Variants in NOTCH1 observed in about 807,000 individuals in gnomAD.
NOTCH1 encodes the protein notch receptor 1.
A neutral mutation model predicts 254.8 loss-of-function variants in NOTCH1; 37 were observed. The ratio of observed to expected loss-of-function variants is 0.15; its 90% CI spans 0.11 to 0.19. The LOEUF (loss-of-function observed/expected upper bound fraction) is 0.19. NOTCH1 is among the 10% of genes least tolerant of loss of function. NOTCH1 has a pLI of 1.00. For synonymous variants in NOTCH1, 1,731 were observed against 1,618.1 expected, an observed-to-expected ratio of 1.07 and a Z score of -1.68; for missense variants, 2,972 against 3,708.6, an observed-to-expected ratio of 0.80 and a Z score of 5.16.
rs748048002 is a variant in NOTCH1 at position 136,523,967 on chromosome 9, G to A, written c.153C>T (p.Ala51=). Reference sequence around the variant, plus strand: ...GGTCCTGGCATCGCGGGCCCACGAAGGCCCCGCCACAGCTGTTGGCAGATG... The same window carrying A: ...GGTCCTGGCATCGCGGGCCCACGAAAGCCCCGCCACAGCTGTTGGCAGATG... ...NGTEACVCGG[A]FVGPRCQDPN... is the part of the protein sequence containing the mutation. Residue 51 remains alanine (A), a synonymous_variant, in exon 3 of 34, where the codon GCC becomes GCT. Transcript: ENST00000651671. 39 of 1,555,196 alleles carry A rather than the reference G, an allele frequency of 2.5e-5. No homozygotes were observed. The South Asian group carries it at 4.1e-4, about 16-fold the overall frequency.
intron 1 of NOTCH1, 57 bp from the exon 2 acceptor site, chr9:136,544,159 C>A: frequency 2.7e-6 from 4 of 1,479,302 alleles, no homozygotes; most frequent in Non-Finnish European, 3.7e-6. Context: ...CCACCGAAGG[C>A]CCTGGTTACC....
At chr9:136,512,565 G>C (rs946878207) in intron 15 of NOTCH1, among the ~76,000 whole-genome samples, 1 of 152,154 alleles carries the variant, frequency 6.6e-6, no homozygotes, top group Non-Finnish European at 1.5e-5. Flanking sequence ...GCCATCAAAG[G>C]AATCCCTCAG....
intron 5 of NOTCH1, among the ~76,000 whole-genome samples, chr9:136,519,063 G>C (rs952977912): frequency 6.6e-6 from 1 of 152,242 alleles, no homozygotes; most frequent in Non-Finnish European, 1.5e-5. Flanking sequence ...CACCCCACCA[G>C]AGGGTAATTC....
intron 8 of NOTCH1, 148 bp from the exon 9 acceptor site, chr9:136,517,533 C>T (rs924463991): frequency 1.6e-5 from 13 of 825,086 alleles, no homozygotes; most frequent in Non-Finnish European, 2.3e-5. Context: ...CCCTGCAGCC[C>T]GTGGCCCCTG....
Position 136,512,372 on chromosome 9 carries a change from C to T in NOTCH1, c.2467+649G>A, listed in dbSNP as rs148695466. The stretch of plus-strand genomic sequence containing the variant: ...CAGGCCCCGTGGCAGCACCCTCTGC[C>T]CGCTCCTGGGGAGCGCCAGGACCCC... On this transcript the variant is annotated intron_variant, in intron 15 of 33. Transcript: ENST00000651671. 4.5e-4 allele frequency among the ~76,000 whole-genome samples: 68 copies of T among 152,340 alleles called. No homozygotes were observed. In the Middle Eastern group the frequency reaches 0.01, roughly 23 times the overall value.
chr9:136,509,672 G>A, intron 18 of NOTCH1, 61 bp downstream of exon 18: 1 of 1,498,622 alleles, frequency 6.7e-7, no homozygotes, highest in Admixed American at 1.7e-5. Context: ...CAGGCTGCCA[G>A]CTACTGCGTG....
At position 136,498,992 on chromosome 9, in the gene NOTCH1, C is replaced by T. The variant is rs746460306; in HGVS notation, c.6087G>A (p.Lys2029=). 5.0e-6 allele frequency: 8 copies of T among 1,613,384 alleles called. No homozygotes were observed. In the East Asian group the frequency reaches 1.8e-4, roughly 36 times the overall value. Reference sequence around the variant, plus strand: ...CGGCGGCGGCCCAGTGCAGGGCGGACTTGCCTGCGTGAAAGAAGCAGATGG... The same window carrying T: ...CGGCGGCGGCCCAGTGCAGGGCGGATTTGCCTGCGTGAAAGAAGCAGATGG... ...ADVNAVDDLG[K]SALHWAAAVN... Residue 2029 remains lysine, a synonymous_variant, in exon 33 of 34, where the codon AAG becomes AAA. Transcript: ENST00000651671.
At chr9:136,518,403 C>G in intron 6 of NOTCH1, 111 bp from the exon 7 acceptor site, 1 of 1,410,712 alleles carries the variant, frequency 7.1e-7, no homozygotes, top group Non-Finnish European at 9.7e-7. Context: ...CCCGCCGTGA[C>G]CCCGTCGGGC....
At position 136,505,086 on chromosome 9, in the gene NOTCH1, G is replaced by T; in HGVS notation, c.4605C>A (p.Tyr1535Ter). The T allele has an allele frequency of 6.2e-7, 1 of 1,610,002 alleles. No individual in the cohort carries two copies. The change falls in exon 26 of 34, where the codon TAC becomes TAA. Residue 1535 changes from tyrosine (Y) to a stop codon, truncating the protein, a stop_gained. Transcript: ENST00000651671. LOFTEE classifies it high-confidence loss of function. ...GCCCGTCGCTGAAGTGGTCCTTGCA[G>T]TACTGGTCGTACAGGGGGCTGTGGG... The part of the protein sequence containing the change: ...EGQCNPLYDQ[Y>*]CKDHFSDGHC...
chr9:136,543,201 T>C, intron 2 of NOTCH1: 2 of 170,918 alleles, frequency 1.2e-5, no homozygotes, highest in Non-Finnish European at 2.5e-5. Context: ...TTTTGAAGAG[T>C]CAATTTCCTT....
rs766736773 is a variant in NOTCH1, at chr9:136,518,234, G to A, written c.1158C>T (p.Asn386=). ...TGCCATTGACAGGGTTGGTGTCGCAGTTGGAGCCCTCGTTACAGGGGTTGC... is the reference window on the plus strand; with the variant it reads ...TGCCATTGACAGGGTTGGTGTCGCAATTGGAGCCCTCGTTACAGGGGTTGC... ...CISNPCNEGS[N]CDTNPVNGKA... Residue 386 remains asparagine, a synonymous_variant, in exon 7 of 34, where the codon AAC becomes AAT. Coordinates refer to ENST00000651671, the MANE Select transcript of NOTCH1 (RefSeq NM_017617.5). 1.2e-6 allele frequency: 2 copies of A among 1,610,676 alleles called. No individual in the cohort carries two copies. Among genetic ancestry groups the A allele is most frequent in the South Asian group, 1.1e-5 (1 of 90,508 alleles).
intron 2 of NOTCH1, among the ~76,000 whole-genome samples, chr9:136,530,668 T>C (rs550071769): frequency 1.7e-4 from 26 of 152,190 alleles, no homozygotes; most frequent in Admixed American, 1.1e-3. Context: ...CCCACGCGGA[T>C]CCCCCAAAAG....
chr9:136,524,315 G>A (rs764674992), intron 2 of NOTCH1, among the ~76,000 whole-genome samples: 1 of 152,136 alleles, frequency 6.6e-6, no homozygotes, highest in South Asian at 2.1e-4. Flanking sequence ...AAGAAAGAAA[G>A]AAGAAGACAA....
chr9:136,510,531 C>G, intron 17 of NOTCH1, 122 bp downstream of exon 17: 1 of 1,355,226 alleles, frequency 7.4e-7, no homozygotes, highest in Non-Finnish European at 1.0e-6. Context: ...TGACCCAACC[C>G]TCCCCGGCCA....
intron 15 of NOTCH1, 102 bp downstream of exon 15, chr9:136,512,919 G>GCCCCCCCC: frequency 6.5e-6 from 1 of 153,874 alleles, no homozygotes; most frequent in Non-Finnish European, 1.3e-5. Context: ...CCCCACCCCT[G>GCCCCCCCC]GCCCCACCCT....
intron 3 of NOTCH1, 146 bp downstream of exon 3, chr9:136,523,571 G>C (rs1049243976): frequency 4.3e-5 from 44 of 1,023,782 alleles, no homozygotes; most frequent in South Asian, 2.5e-4. Flanking sequence ...AGGTCTGGGA[G>C]GGGGGCAGGG....
At chr9:136,544,152 C>G in intron 1 of NOTCH1, 50 bp from the exon 2 acceptor site, 1 of 1,508,636 alleles carries the variant, frequency 6.6e-7, no homozygotes. Flanking sequence ...ACCACCACCA[C>G]CGAAGGCCCT....
At chr9:136,510,060 T>C in intron 17 of NOTCH1, 99 bp from the exon 18 acceptor site, 1 of 1,196,132 alleles carries the variant, frequency 8.4e-7, no homozygotes, top group Non-Finnish European at 1.2e-6. Context: ...GCCCAGCCTT[T>C]CGTTGCCGAG....
At chr9:136,537,619 G>C (rs1195418627) in intron 2 of NOTCH1, among the ~76,000 whole-genome samples, 2 of 152,192 alleles carry the variant, frequency 1.3e-5, no homozygotes, top group Admixed American at 6.5e-5. Flanking sequence ...AACATAGCAA[G>C]ACCCCGCTTC....
Sources: allele counts gnomAD v4.1 joint callset (sites outside exome capture counted in the v4.1 genomes callset), GRCh38; gene constraint gnomAD v4.1.1; transcripts MANE v1.5; gene names NCBI Gene and HGNC (gene_info 2026-07-23, HGNC 2026-07-21).